The following EPG5 variants were observed in gnomAD, a reference collection of about 807,000 sequenced individuals.
EPG5 encodes ectopic P-granules 5 autophagy tethering factor, also known as ectopic P granules protein 5 homolog.
EPG5 carries 159 observed loss-of-function variants against 302.7 expected under a neutral mutation model. The observed-to-expected ratio is 0.53, with a 90% CI of 0.46 to 0.60. The LOEUF (loss-of-function observed/expected upper bound fraction) is 0.60. Ranked by LOEUF, EPG5 falls within the 20% of genes least tolerant of loss-of-function variation. The pLI is 0.00. For missense variants in EPG5, 2,896 were observed against 3,092.4 expected (o/e 0.94, Z 1.51); for synonymous variants, 1,158 against 1,136.8 (o/e 1.02, Z -0.37).
chr18:45,837,520 A>G, the EPG5 span: 47 of 1,500,278 alleles, frequency 3.1e-5, no homozygotes, highest in Non-Finnish European at 4.1e-5. Context: ...CAGGCTCGCC[A>G]GCGCAGCGCT....
chr18:45,827,585 T>C, the EPG5 span, among the ~76,000 whole-genome samples: 5 of 152,222 alleles, frequency 3.3e-5, no homozygotes, highest in Non-Finnish European at 5.9e-5. Flanking sequence ...CTGCATGGCC[T>C]TGGGCAGGCT....
chr18:45,884,591 A>G (rs774094301), intron 30 of EPG5, 26 bp downstream of exon 30: 3 of 1,561,358 alleles, frequency 1.9e-6, no homozygotes, highest in Non-Finnish European at 2.6e-6. Flanking sequence ...TTTCAACAAT[A>G]TGGTGAGGAT....
chr18:45,937,409 CAT>C (rs890327480), intron 10 of EPG5, among the ~76,000 whole-genome samples: 2 of 149,720 alleles, frequency 1.3e-5, no homozygotes, highest in Non-Finnish European at 1.5e-5. Flanking sequence ...CACACACACA[CAT>C]ATATATATAT....
chr18:45,855,740 T>G (rs1568092035), intron 42 of EPG5, 53 bp from the exon 43 acceptor site: 2 of 1,168,160 alleles, frequency 1.7e-6, no homozygotes, highest in East Asian at 2.4e-5. Context: ...AAGTAAGCAT[T>G]TTGAAATAAA....
chr18:45,920,499 T>G (rs1250275945), intron 16 of EPG5, among the ~76,000 whole-genome samples: 1 of 152,096 alleles, frequency 6.6e-6, no homozygotes, highest in Non-Finnish European at 1.5e-5. Context: ...CTTATTTGAG[T>G]CATAATTCTG....
chr18:45,802,171 A>G, the EPG5 span, among the ~76,000 whole-genome samples: 104 of 152,204 alleles, frequency 6.8e-4, no homozygotes, highest in South Asian at 3.9e-3. Flanking sequence ...CAAGTCCCCA[A>G]CACTCTCCAG....
chr18:45,903,524 T>C (rs565365325), intron 25 of EPG5, among the ~76,000 whole-genome samples: 58 of 152,346 alleles, frequency 3.8e-4, no homozygotes, highest in Non-Finnish European at 1.8e-4. Flanking sequence ...GAATTTACAA[T>C]GATATGTCCT....
chr18:45,841,600 C>T, the EPG5 span, among the ~76,000 whole-genome samples: 1 of 152,202 alleles, frequency 6.6e-6, no homozygotes, highest in African/African-American at 2.4e-5. Flanking sequence ...AGACGGGAGG[C>T]AGGGCTTGCC....
chr18:45,899,227 C>T (rs1316742782), intron 27 of EPG5, among the ~76,000 whole-genome samples, 177 bp downstream of exon 27: 1 of 152,120 alleles, frequency 6.6e-6, no homozygotes, highest in East Asian at 1.9e-4. Context: ...TAGGACTCAT[C>T]TGGTACCTAC....
In EPG5 at chr18:45,910,591, C is replaced by T. The variant is rs1346513172; in HGVS notation, c.4135G>A (p.Gly1379Arg). 2 of 1,613,954 alleles carry T rather than the reference C, an allele frequency of 1.2e-6. No individual in the cohort carries two copies. Among genetic ancestry groups the T allele is most frequent in the Admixed American group, 1.7e-5 (1 of 60,000 alleles). ...ALRVPAEGSE[G>R]LPESHSGTPG... ...GTGCCAGAGTGGCTCTCTGGCAGCC[C>T]TTCACTGCCCTCTGCTGGAACACGG... is the stretch of plus-strand genomic sequence containing the variant. Residue 1379 changes from glycine (G) to arginine (R), a missense_variant, in exon 23 of 44, where the codon GGG becomes AGG. Gly to Arg is a moderately radical substitution (Grantham distance 125). Transcript: ENST00000282041.
chr18:45,889,699 C>G, intron 28 of EPG5, 99 bp downstream of exon 28: 1 of 1,084,614 alleles, frequency 9.2e-7, no homozygotes, highest in Non-Finnish European at 1.3e-6. Flanking sequence ...CTAAATTAAC[C>G]TGTGGGTGCT....
intron 24 of EPG5, among the ~76,000 whole-genome samples, chr18:45,906,402 G>C (rs539417309): frequency 1.3e-5 from 2 of 152,000 alleles, no homozygotes; most frequent in African/African-American, 4.8e-5. Context: ...CCCGCCTCAG[G>C]TGCTATGCCC....
intron 35 of EPG5, among the ~76,000 whole-genome samples, chr18:45,871,227 A>G (rs1434821692): frequency 6.6e-6 from 1 of 152,232 alleles, no homozygotes; most frequent in African/African-American, 2.4e-5. Context: ...AACCACAACA[A>G]TGTATCAGTG....
At chr18:45,898,433 T>C (rs1429197220) in intron 27 of EPG5, among the ~76,000 whole-genome samples, 1 of 152,220 alleles carries the variant, frequency 6.6e-6, no homozygotes, top group African/African-American at 2.4e-5. Flanking sequence ...TGGCATAAAG[T>C]AAATGCTATG....
chr18:45,873,202 C>T (rs954871223), intron 35 of EPG5, among the ~76,000 whole-genome samples: 1 of 152,178 alleles, frequency 6.6e-6, no homozygotes, highest in Admixed American at 6.5e-5. Context: ...CCTTGGGGTG[C>T]TTTCCCCTAT....
At chr18:45,857,725 TCC>T in intron 42 of EPG5, 126 bp downstream of exon 42, 5 of 628,710 alleles carry the variant, frequency 8.0e-6, no homozygotes, top group African/African-American at 1.8e-5. Flanking sequence ...TTTTTTTTTT[TCC>T]ATTAATCTTT....
intron 38 of EPG5, 39 bp downstream of exon 38, chr18:45,866,759 A>G: frequency 6.6e-7 from 1 of 1,515,462 alleles, no homozygotes; most frequent in Non-Finnish European, 9.2e-7. Flanking sequence ...ACCAATCTCC[A>G]GGAACAGTCT....
intron 35 of EPG5, among the ~76,000 whole-genome samples, chr18:45,873,040 T>C (rs1054979262): frequency 7.2e-5 from 11 of 152,216 alleles, no homozygotes; most frequent in Admixed American, 6.5e-4. Flanking sequence ...GTGGATCAGA[T>C]AACCTCACTA....
chr18:45,862,132 C>T (rs908404991), intron 39 of EPG5, among the ~76,000 whole-genome samples: 2 of 152,154 alleles, frequency 1.3e-5, no homozygotes, highest in Non-Finnish European at 2.9e-5. Flanking sequence ...GGCTTTGGAA[C>T]ATTCTAACTT....
Sources: allele counts gnomAD v4.1 joint callset (sites outside exome capture counted in the v4.1 genomes callset), GRCh38; gene constraint gnomAD v4.1.1; transcripts MANE v1.5; gene names NCBI Gene and HGNC (gene_info 2026-07-23, HGNC 2026-07-21).